The following HDAC9 variants were observed in gnomAD, a reference collection of about 807,000 sequenced individuals.
HDAC9 encodes MEF-2 interacting transcription repressor (MITR) protein.
HDAC9 carries 41 observed loss-of-function variants against 139.4 expected under a neutral mutation model. The observed-to-expected ratio is 0.29, with a 90% CI of 0.23 to 0.38. The LOEUF is 0.38. HDAC9 is among the 10% of genes least tolerant of loss of function. HDAC9 has a pLI of 1.00. For synonymous variants in HDAC9, 517 were observed against 476.2 expected, an observed-to-expected ratio of 1.09 and a Z score of -1.12; for missense variants, 1,147 against 1,297.0, an observed-to-expected ratio of 0.88 and a Z score of 1.78.
At chr7:18,494,609 A>G (rs1796638342), upstream of HDAC9, among the ~76,000 whole-genome samples, 1 of 152,080 alleles carries the variant, frequency 6.6e-6, no homozygotes, top group African/African-American at 2.4e-5. Context: ...TATAGAAAGG[A>G]TATAAATGTA....
At chr7:18,240,675 C>T (rs1025305426) in intron 2 of HDAC9, among the ~76,000 whole-genome samples, 1 of 152,184 alleles carries the variant, frequency 6.6e-6, no homozygotes, top group Non-Finnish European at 1.5e-5. Context: ...CATCCAGTGG[C>T]TTCCCATCTT....
chr7:18,968,739 C>G (rs1784049644), intron 24 of HDAC9, among the ~76,000 whole-genome samples: 1 of 151,976 alleles, frequency 6.6e-6, no homozygotes, highest in African/African-American at 2.4e-5. Context: ...GCGGGCGGAT[C>G]AGGAGGTCAG....
At chr7:18,155,465 A>G (rs1434740153) in intron 1 of HDAC9, among the ~76,000 whole-genome samples, 1 of 152,178 alleles carries the variant, frequency 6.6e-6, no homozygotes, top group African/African-American at 2.4e-5. Context: ...CCAGCAGACC[A>G]TTCCTGATTA....
At chr7:18,089,417 C>A (rs1434343718) in intron 1 of HDAC9, among the ~76,000 whole-genome samples, 1 of 151,796 alleles carries the variant, frequency 6.6e-6, no homozygotes, top group Non-Finnish European at 1.5e-5. Flanking sequence ...GTTTGGTGAC[C>A]AAATTAAGCA....
chr7:18,842,104 A>G (rs1796621911), intron 21 of HDAC9, among the ~76,000 whole-genome samples: 1 of 152,156 alleles, frequency 6.6e-6, no homozygotes. Flanking sequence ...ACAATGTCAA[A>G]TGATTTGGGA....
At chr7:18,543,814 T>C (rs1443787141) in intron 2 of HDAC9, 1 of 151,120 alleles carries the variant, frequency 6.6e-6, no homozygotes, top group Non-Finnish European at 1.5e-5. Context: ...AGCAGTAATA[T>C]CTGAGGGACA....
At chr7:18,583,200 A>C (rs1218778076) in intron 2 of HDAC9, among the ~76,000 whole-genome samples, 1 of 152,180 alleles carries the variant, frequency 6.6e-6, no homozygotes, top group African/African-American at 2.4e-5. Context: ...ATTTCATATA[A>C]TAAAAAAGCA....
At chr7:18,252,653 A>G (rs1245440667) in intron 2 of HDAC9, among the ~76,000 whole-genome samples, 3 of 152,200 alleles carry the variant, frequency 2.0e-5, no homozygotes, top group Non-Finnish European at 4.4e-5. Context: ...GCACATTCAT[A>G]AAAGCACTTA....
chr7:18,829,333 G>C (rs911255123), intron 18 of HDAC9, 117 bp downstream of exon 18: 2 of 1,125,966 alleles, frequency 1.8e-6, no homozygotes, highest in Non-Finnish European at 1.4e-6. Context: ...ATCTTGCGAG[G>C]TACTCCCAGA....
At chr7:18,478,324 G>T (rs957110753) in intron 1 of HDAC9, among the ~76,000 whole-genome samples, 2 of 152,168 alleles carry the variant, frequency 1.3e-5, no homozygotes, top group Admixed American at 1.3e-4. Context: ...GCCTGCCTCG[G>T]CCTCCCAAAG....
At chr7:18,844,835 C>A (rs1032644980) in intron 21 of HDAC9, among the ~76,000 whole-genome samples, 3 of 152,114 alleles carry the variant, frequency 2.0e-5, no homozygotes, top group Non-Finnish European at 2.9e-5. Context: ...CCTCATTAGG[C>A]CTCTGATTTT....
At chr7:18,663,191 T>G (rs1329378776) in intron 11 of HDAC9, among the ~76,000 whole-genome samples, 2 of 151,864 alleles carry the variant, frequency 1.3e-5, no homozygotes, top group African/African-American at 4.8e-5. Context: ...AGATTTAGAG[T>G]AATGCAGGGT....
At chr7:18,704,018 T>A (rs1480033805) in intron 12 of HDAC9, among the ~76,000 whole-genome samples, 2 of 152,062 alleles carry the variant, frequency 1.3e-5, no homozygotes, top group East Asian at 3.9e-4. Context: ...AGGAGGAGGG[T>A]GGCTTGGAGA....
At chr7:18,608,839 G>T (rs1169094837) in intron 6 of HDAC9, among the ~76,000 whole-genome samples, 1 of 152,148 alleles carries the variant, frequency 6.6e-6, no homozygotes, top group East Asian at 1.9e-4. Flanking sequence ...CATGTAATAG[G>T]TTCCTAATAG....
At chr7:18,280,918 T>C (rs1474888550) in intron 2 of HDAC9, among the ~76,000 whole-genome samples, 2 of 152,228 alleles carry the variant, frequency 1.3e-5, no homozygotes, top group African/African-American at 4.8e-5. Flanking sequence ...GCCCTTTTCT[T>C]CTTTGTTCGC....
At chr7:18,229,643 C>T (rs1189089801) in intron 2 of HDAC9, among the ~76,000 whole-genome samples, 3 of 152,188 alleles carry the variant, frequency 2.0e-5, no homozygotes, top group Admixed American at 6.5e-5. Flanking sequence ...GGTGTCCATC[C>T]GTCAGGTAGG....
At chr7:18,431,056 T>A (rs371023926) in intron 1 of HDAC9, among the ~76,000 whole-genome samples, 9 of 100,148 alleles carry the variant, frequency 9.0e-5, no homozygotes, top group African/African-American at 3.1e-4. Flanking sequence ...TGTCCTGTCC[T>A]GTCCTGTCCA....
intron 24 of HDAC9, among the ~76,000 whole-genome samples, chr7:18,960,211 A>T (rs998123518): frequency 8.5e-5 from 13 of 152,162 alleles, no homozygotes. Context: ...CATACCAGCA[A>T]TGCACAGAGC....
intron 2 of HDAC9, among the ~76,000 whole-genome samples, chr7:18,563,664 C>G (rs1453765968): frequency 6.6e-6 from 1 of 152,014 alleles, no homozygotes; most frequent in African/African-American, 2.4e-5. Context: ...CAGTATTTGC[C>G]CATATCATAC....
Sources: allele counts gnomAD v4.1 joint callset (sites outside exome capture counted in the v4.1 genomes callset), GRCh38; gene constraint gnomAD v4.1.1; transcripts MANE v1.5; gene names NCBI Gene and HGNC (gene_info 2026-07-23, HGNC 2026-07-21).